The following ABCA13 variants were observed in gnomAD, a reference collection of about 807,000 sequenced individuals.
ABCA13 encodes the protein ATP-binding cassette sub-family A member 13.
In ABCA13, 476 loss-of-function variants were observed where a neutral mutation model predicts 478.7. That is an observed-to-expected ratio of 0.99 (90% CI 0.92 to 1.07). The LOEUF is 1.07. Among genes scored for constraint, ABCA13 ranks in the 50% least tolerant of loss-of-function variants. The pLI is 0.00. For missense variants in ABCA13, 6,060 were observed against 5,910.6 expected (o/e 1.03, Z -0.83); for synonymous variants, 2,252 against 2,158.9 (o/e 1.04, Z -1.20).
chr7:48,479,473 A>G (rs768869477), intron 45 of ABCA13, among the ~76,000 whole-genome samples: 31 of 152,004 alleles, frequency 2.0e-4, no homozygotes, highest in Admixed American at 1.3e-4. Flanking sequence ...CCTGACCTCA[A>G]GCGATCCACC....
chr7:48,313,129 C>G lies in ABCA13; in HGVS notation c.9579C>G (p.Leu3193=), dbSNP rs769844776. ...LNSLLDIVSS[L]SALLAKAQHV... is the part of the protein sequence containing the mutation. ...CCTTGCTGGATATAGTTTCCAGCCT[C>G]AGCGCCTTGCTTGCCAAAGCCCAGC... is the stretch of plus-strand genomic sequence containing the variant. Residue 3193 remains leucine (L), a synonymous_variant, in exon 25 of 62, where the codon CTC becomes CTG. Transcript: ENST00000435803. 1 of 1,613,168 alleles carries G rather than the reference C, an allele frequency of 6.2e-7. No individual in the cohort carries two copies. Among genetic ancestry groups the G allele is most frequent in the Non-Finnish European group, 8.5e-7 (1 of 1,179,522 alleles).
intron 59 of ABCA13, among the ~76,000 whole-genome samples, chr7:48,630,156 T>A (rs1319551515): frequency 6.6e-6 from 1 of 152,162 alleles, no homozygotes; most frequent in African/African-American, 2.4e-5. Context: ...AAATGTCTTT[T>A]ATTAATTTTT....
chr7:48,574,751 A>T (rs1788004481), intron 55 of ABCA13, among the ~76,000 whole-genome samples: 1 of 152,078 alleles, frequency 6.6e-6, no homozygotes, highest in African/African-American at 2.4e-5. Flanking sequence ...TCCTCATTTT[A>T]TATGTGTGAC....
intron 59 of ABCA13, among the ~76,000 whole-genome samples, chr7:48,631,904 C>T (rs892830999): frequency 1.3e-5 from 2 of 151,874 alleles, no homozygotes; most frequent in Non-Finnish European, 2.9e-5. Flanking sequence ...AAGTATATTC[C>T]TAGGTATTTT....
At chr7:48,444,102 A>G (rs1823973443) in intron 42 of ABCA13, among the ~76,000 whole-genome samples, 1 of 152,160 alleles carries the variant, frequency 6.6e-6, no homozygotes, top group Non-Finnish European at 1.5e-5. Flanking sequence ...CCACCTTTGA[A>G]GGAAGAATTC....
At chr7:48,468,902 T>C (rs955943385) in intron 44 of ABCA13, among the ~76,000 whole-genome samples, 1 of 152,222 alleles carries the variant, frequency 6.6e-6, no homozygotes, top group African/African-American at 2.4e-5. Flanking sequence ...ATCTAAAATA[T>C]GAGTTTTCTC....
chr7:48,495,220 A>C (rs541511618), intron 48 of ABCA13, among the ~76,000 whole-genome samples: 1 of 152,332 alleles, frequency 6.6e-6, no homozygotes, highest in African/African-American at 2.4e-5. Flanking sequence ...GAGTCAAAGC[A>C]CATTAGTTTC....
At chr7:48,313,273 G>T (rs1802045501) in intron 25 of ABCA13, 42 bp downstream of exon 25, 2 of 1,554,852 alleles carry the variant, frequency 1.3e-6, no homozygotes, top group Non-Finnish European at 8.7e-7. Context: ...ATTCAAATTT[G>T]CCCCTTCTTT....
At chr7:48,328,217 G>T (rs1230353267) in intron 27 of ABCA13, among the ~76,000 whole-genome samples, 1 of 152,142 alleles carries the variant, frequency 6.6e-6, no homozygotes, top group Admixed American at 6.5e-5. Context: ...ATTTACATGT[G>T]CAGAGCAATG....
intron 48 of ABCA13, among the ~76,000 whole-genome samples, chr7:48,500,993 G>A (rs570934386): frequency 7.9e-5 from 12 of 152,300 alleles, no homozygotes; most frequent in East Asian, 1.9e-4. Context: ...TGAATTCTCC[G>A]TTCTGTGAAG....
chr7:48,452,527 T>C (rs1825167760), intron 42 of ABCA13, among the ~76,000 whole-genome samples: 2 of 152,254 alleles, frequency 1.3e-5, no homozygotes, highest in African/African-American at 2.4e-5. Context: ...AATACTTGTT[T>C]AGTCATGTCA....
At chr7:48,597,193 G>T (rs1001219374) in intron 58 of ABCA13, among the ~76,000 whole-genome samples, 1 of 152,040 alleles carries the variant, frequency 6.6e-6, no homozygotes, top group East Asian at 1.9e-4. Context: ...CTTGTGATCC[G>T]CCCGCCTGGG....
chr7:48,526,970 C>T (rs952191022), intron 54 of ABCA13, among the ~76,000 whole-genome samples: 2 of 152,072 alleles, frequency 1.3e-5, no homozygotes, highest in Non-Finnish European at 2.9e-5. Context: ...GTTATCCTCC[C>T]AATTTCATTT....
chr7:48,204,385 A>G (rs1237724963), intron 3 of ABCA13, among the ~76,000 whole-genome samples: 2 of 151,506 alleles, frequency 1.3e-5, no homozygotes, highest in Non-Finnish European at 2.9e-5. Flanking sequence ...AATTTTTTGT[A>G]TTTTTAGTAA....
At position 48,252,197 on chromosome 7, in the gene ABCA13, A is replaced by AT. The variant is rs534807101; in HGVS notation, c.2005+2855dup. On this transcript the variant is annotated intron_variant, in intron 15 of 61. Transcript: ENST00000435803. Reference sequence around the variant, plus strand: ...CTCATAAGTTCCTTGGGCTGTGTTCATTTTTTTTTCTTTGCTCCTCTGATT... The same window carrying AT: ...CTCATAAGTTCCTTGGGCTGTGTTCATTTTTTTTTTCTTTGCTCCTCTGATT... 1.7e-4 allele frequency among the ~76,000 whole-genome samples: 26 copies of AT among 149,050 alleles called. No homozygotes were observed. The South Asian group carries it at 2.6e-3, about 15-fold the overall frequency.
chr7:48,333,140 C>T (rs1010374413), intron 27 of ABCA13, among the ~76,000 whole-genome samples: 1 of 152,158 alleles, frequency 6.6e-6, no homozygotes, highest in Non-Finnish European at 1.5e-5. Context: ...TATCAATCTC[C>T]TTTCTCCCTG....
chr7:48,515,224 T>C (rs531008966), intron 51 of ABCA13, among the ~76,000 whole-genome samples: 1 of 152,188 alleles, frequency 6.6e-6, no homozygotes, highest in East Asian at 1.9e-4. Flanking sequence ...TACATTTACC[T>C]TGAGTGAGCA....
In ABCA13 at chr7:48,457,183, G is replaced by T. The variant is rs552078191; in HGVS notation, c.12815+1897G>T. On this transcript the variant is annotated intron_variant, in intron 43 of 61. Transcript: ENST00000435803. ...GACCTGATATTTCATTGCTTAATAG[G>T]CAGCTCTTTGATTACTATTGAAGTT... 2.0e-5 allele frequency among the ~76,000 whole-genome samples: 3 copies of T among 151,602 alleles called. No homozygotes were observed. In the South Asian group the frequency reaches 6.3e-4, roughly 32 times the overall value.
intron 55 of ABCA13, among the ~76,000 whole-genome samples, chr7:48,556,249 A>G (rs1423557783): frequency 2.6e-5 from 4 of 151,948 alleles, no homozygotes; most frequent in Non-Finnish European, 5.9e-5. Context: ...ACAGTGATCT[A>G]CGTGCTGAGA....
Sources: allele counts gnomAD v4.1 joint callset (sites outside exome capture counted in the v4.1 genomes callset), GRCh38; gene constraint gnomAD v4.1.1; transcripts MANE v1.5; gene names NCBI Gene and HGNC (gene_info 2026-07-23, HGNC 2026-07-21).